The following SLC8A3 variants were observed in gnomAD, a reference collection of about 807,000 sequenced individuals.
SLC8A3 encodes sodium/calcium exchanger 3.
Under a neutral mutation model 65.4 loss-of-function variants are expected in SLC8A3, and 37 were observed. The ratio of observed to expected loss-of-function variants is 0.57; its 90% CI spans 0.44 to 0.74. The LOEUF (loss-of-function observed/expected upper bound fraction) is 0.74, where lower values mean the gene tolerates loss of function less well. Among genes scored for constraint, SLC8A3 ranks in the 30% least tolerant of loss-of-function variants. The probability of loss-of-function intolerance (pLI) is 0.00; values close to 1 mark genes in which losing one functional copy is unlikely to be tolerated. For missense variants in SLC8A3, 1,112 were observed against 1,172.1 expected, an observed-to-expected ratio of 0.95 and a Z score of 0.75; for synonymous variants, 461 against 444.5, an observed-to-expected ratio of 1.04 and a Z score of -0.47.
At chr14:70,150,212 G>A (rs1232809470) in intron 2 of SLC8A3, among the ~76,000 whole-genome samples, 1 of 152,148 alleles carries the variant, frequency 6.6e-6, no homozygotes, top group Non-Finnish European at 1.5e-5. Context: ...GTTTTATATT[G>A]CATAATTGTA....
chr14:70,154,470 T>C (rs1295513859), intron 2 of SLC8A3, among the ~76,000 whole-genome samples: 1 of 152,136 alleles, frequency 6.6e-6, no homozygotes, highest in Non-Finnish European at 1.5e-5. Flanking sequence ...GCCTTTCCAC[T>C]CCACACCCAG....
In SLC8A3 at chr14:70,116,306, C is replaced by T. The variant is rs940381571; in HGVS notation, c.1784+50333G>A. Among the ~76,000 whole-genome samples, 8 of 148,504 alleles carry T rather than the reference C, an allele frequency of 5.4e-5. No homozygotes were observed. The East Asian group carries it at 9.9e-4, about 18-fold the overall frequency. On this transcript the variant is annotated intron_variant, in intron 2 of 6. Transcript: ENST00000356921. ...TATTTGGTGCATACTAACTAAATGGCGAGCATTGAGAACACTGTGTGTGTG... is the reference window on the plus strand; with the variant it reads ...TATTTGGTGCATACTAACTAAATGGTGAGCATTGAGAACACTGTGTGTGTG...
chr14:70,108,802 T>A (rs868846720), intron 2 of SLC8A3, among the ~76,000 whole-genome samples: 1 of 152,220 alleles, frequency 6.6e-6, no homozygotes, highest in Non-Finnish European at 1.5e-5. Context: ...TCTAAACTAC[T>A]TCCCTGCCTC....
At chr14:70,070,340 T>C (rs1414661337) in intron 2 of SLC8A3, among the ~76,000 whole-genome samples, 1 of 152,218 alleles carries the variant, frequency 6.6e-6, no homozygotes, top group Non-Finnish European at 1.5e-5. Flanking sequence ...CATTATCTCA[T>C]TTAATATTCA....
chr14:70,130,464 T>C (rs61977450), intron 2 of SLC8A3, among the ~76,000 whole-genome samples: 17,673 of 152,172 alleles, frequency 0.12, 1,233 homozygotes, highest in Non-Finnish European at 0.16. Flanking sequence ...ACAAATGATA[T>C]TTCTCAGGAT....
intron 1 of SLC8A3, among the ~76,000 whole-genome samples, chr14:70,173,728 G>A (rs574549284): frequency 1.2e-4 from 19 of 152,280 alleles, no homozygotes; most frequent in African/African-American, 4.3e-4. Flanking sequence ...CACTGGCTCC[G>A]TTGTGTCACC....
Position 70,046,491 on chromosome 14 carries a change from T to A in SLC8A3, c.2390-168A>T. 1.6e-6 allele frequency: 1 copy of A among 643,824 alleles called. No homozygotes were observed. Among genetic ancestry groups the A allele is most frequent in the East Asian group, 2.8e-5 (1 of 36,358 alleles). The allele number at this position is 643,824 out of a possible 1,614,324, so 39.9% of individuals were successfully genotyped here. A position where few individuals can be genotyped will look rare whatever the true frequency, so the allele number is the denominator to read the frequency against. On this transcript the variant is annotated intron_variant, in intron 6 of 6. Coordinates refer to ENST00000356921, the MANE Select transcript of SLC8A3 (RefSeq NM_182932.3). The surrounding 1 kb of genome is among the most constrained non-coding windows in gnomAD (Gnocchi z 4.2). ...CTAGTTCTGCCGCAAGCAAGCCGTG[T>A]GGCCCTGGGTAGGTCACATCCCTAG...
intron 2 of SLC8A3, among the ~76,000 whole-genome samples, chr14:70,088,440 G>T (rs1891588869): frequency 6.6e-6 from 1 of 152,112 alleles, no homozygotes; most frequent in Admixed American, 6.5e-5. Flanking sequence ...GCTACTCTCA[G>T]GTAACGGCTC....
intron 2 of SLC8A3, among the ~76,000 whole-genome samples, chr14:70,151,261 G>A (rs199573777): frequency 0.011 from 1,316 of 123,844 alleles, no homozygotes; most frequent in Middle Eastern, 0.013. Flanking sequence ...CTCAAAAAAA[G>A]AAAAAAAAAA....
chr14:70,048,325 G>C, intron 6 of SLC8A3: 1 of 361,310 alleles, frequency 2.8e-6, no homozygotes, highest in Non-Finnish European at 5.0e-6. Flanking sequence ...GAGATCGCCA[G>C]AGGTAAATAG....
chr14:70,167,101 T>C lies in SLC8A3; in HGVS notation c.1322A>G (p.Asn441Ser), dbSNP rs146498093. The C allele has an allele frequency of 9.4e-4, 1,524 of 1,614,168 alleles. 10 individuals are homozygous for C. The highest frequency in any genetic ancestry group is 6.9e-4 in the Non-Finnish European group (812 of 1,180,046). The change falls in exon 2 of 7, where the codon AAT becomes AGT. Residue 441 changes from asparagine to serine, a missense_variant. Physicochemically the swap from Asn to Ser is conservative, Grantham distance 46. Transcript: ENST00000356921. ...TGTGAACTCATAGTCAGCCCCTGCA[T>C]TGGCAGAACCATCCTCTGTTTTGTA... is the stretch of plus-strand genomic sequence containing the variant. Reference protein sequence around the residue: ...VDYKTEDGSANAGADYEFTEG... With the variant: ...VDYKTEDGSASAGADYEFTEG...
chr14:70,073,723 T>C (rs1270686131), intron 2 of SLC8A3, among the ~76,000 whole-genome samples: 1 of 152,204 alleles, frequency 6.6e-6, no homozygotes, highest in East Asian at 1.9e-4. Flanking sequence ...AGAACAAATT[T>C]GATCCAAGTA....
At chr14:70,141,699 C>T (rs934953364) in intron 2 of SLC8A3, among the ~76,000 whole-genome samples, 5 of 152,124 alleles carry the variant, frequency 3.3e-5, no homozygotes, top group East Asian at 1.9e-4. Flanking sequence ...AAGAGTGGTG[C>T]GGCTTTGGAT....
intron 1 of SLC8A3, among the ~76,000 whole-genome samples, chr14:70,168,894 T>G (rs952852865): frequency 2.0e-5 from 3 of 152,210 alleles, no homozygotes; most frequent in African/African-American, 4.8e-5. Context: ...TTGAGTATCT[T>G]GGATAACATA....
chr14:70,185,156 G>A (rs1390355351), intron 1 of SLC8A3, among the ~76,000 whole-genome samples: 6 of 151,950 alleles, frequency 3.9e-5, no homozygotes, highest in East Asian at 1.9e-4. Context: ...TAGTAGAGAC[G>A]GGATTTCACC....
At chr14:70,097,528 C>A (rs1234339649) in intron 2 of SLC8A3, among the ~76,000 whole-genome samples, 1 of 152,194 alleles carries the variant, frequency 6.6e-6, no homozygotes. Flanking sequence ...ATGAGTTTCC[C>A]AACCTCTCTG....
intron 2 of SLC8A3, among the ~76,000 whole-genome samples, chr14:70,120,263 ACTAATATACCATGG>A (rs1260563694): frequency 6.6e-6 from 1 of 152,240 alleles, no homozygotes; most frequent in Admixed American, 6.5e-5. Context: ...AAATACCATG[ACTAATATACCATGG>A]CTATTATTGG....
chr14:70,095,507 C>T (rs1445957333), intron 2 of SLC8A3, among the ~76,000 whole-genome samples: 1 of 152,228 alleles, frequency 6.6e-6, no homozygotes, highest in Non-Finnish European at 1.5e-5. Context: ...ACCACAACAG[C>T]GGCTTCCTTC....
chr14:70,080,143 C>T (rs540119274), intron 2 of SLC8A3: 16 of 985,440 alleles, frequency 1.6e-5, no homozygotes, highest in Middle Eastern at 5.2e-4. Flanking sequence ...TGCCAGTTAT[C>T]GTCTGGATGC....
Sources: gnomAD v4.1 joint callset for allele counts (sites outside exome capture counted in the v4.1 genomes callset) on GRCh38, gnomAD v4.1.1 for gene constraint, Gnocchi (gnomAD v3.1) non-coding constraint, MANE v1.5 for transcripts, NCBI Gene and HGNC (gene_info 2026-07-23, HGNC 2026-07-21) for gene names.